The following C12orf56 variants were observed in gnomAD, a reference collection of about 807,000 sequenced individuals.
C12orf56 encodes chromosome 12 open reading frame 56.
In C12orf56, 71 loss-of-function variants were observed where a neutral mutation model predicts 69.9. That is an observed-to-expected ratio of 1.02 (90% CI 0.84 to 1.24). C12orf56 has a LOEUF of 1.24. Ranked by LOEUF, C12orf56 falls within the 50% of genes most tolerant of loss-of-function variation. The pLI, the probability that C12orf56 is intolerant of heterozygous loss-of-function variation, is 0.00. For synonymous variants in C12orf56, 276 were observed against 274.1 expected (o/e 1.01, Z -0.07); for missense variants, 732 against 738.5 (o/e 0.99, Z 0.10).
At chr12:64,380,124 A>AAAAAC (rs2039698060) in intron 1 of C12orf56, among the ~76,000 whole-genome samples, 1 of 90,232 alleles carries the variant, frequency 1.1e-5, no homozygotes, top group African/African-American at 3.9e-5. Flanking sequence ...AAAAAAAAAA[A>AAAAAC]AAAAAAAAAA....
intron 1 of C12orf56, among the ~76,000 whole-genome samples, chr12:64,372,607 A>C (rs1365501952): frequency 2.6e-5 from 4 of 152,182 alleles, no homozygotes; most frequent in African/African-American, 4.8e-5. Context: ...CACTGCCTCC[A>C]GGTTCAAGCG....
intron 1 of C12orf56, among the ~76,000 whole-genome samples, chr12:64,368,449 A>G (rs1319788281): frequency 1.3e-5 from 2 of 152,122 alleles, no homozygotes; most frequent in Admixed American, 1.3e-4. Context: ...AAGGCCTGAC[A>G]TCAAAGAGAG....
intron 3 of C12orf56, among the ~76,000 whole-genome samples, chr12:64,330,669 CA>C (rs2136864566): frequency 6.6e-6 from 1 of 152,290 alleles, no homozygotes; most frequent in East Asian, 1.9e-4. Context: ...GTGCCCTACA[CA>C]GAACCAGAGC....
At chr12:64,314,937 CTTTTTTTTTTTTT>C (rs534106623) in intron 4 of C12orf56, among the ~76,000 whole-genome samples, 4 of 44,642 alleles carry the variant, frequency 9.0e-5, no homozygotes, top group African/African-American at 2.9e-4. Context: ...ATCCGGCCAG[CTTTTTTTTTTTTT>C]TTTTTTTTTT....
chr12:64,361,561 G>A (rs1334662555), intron 1 of C12orf56, among the ~76,000 whole-genome samples: 1 of 152,122 alleles, frequency 6.6e-6, no homozygotes, highest in Non-Finnish European at 1.5e-5. Context: ...CCAGTGCCAC[G>A]ACAGTTTACA....
chr12:64,270,524 AT>A lies in C12orf56; in HGVS notation c.1763+11del. 1 of 1,513,128 alleles carries A rather than the reference AT, an allele frequency of 6.6e-7. No individual in the cohort carries two copies. The highest frequency in any genetic ancestry group is 8.9e-7 in the Non-Finnish European group (1 of 1,129,220). The allele number at this position is 1,513,128 out of a possible 1,614,324, so 93.7% of individuals were successfully genotyped here. The stretch of plus-strand genomic sequence containing the variant: ...ATCTTACTGCAGATTAGATTCAGAC[AT>A]TTTTTCTTACCTGAATTCTTCTCTG... On this transcript the variant is annotated intron_variant, in intron 12 of 12. Coordinates refer to ENST00000543942, the MANE Select transcript of C12orf56 (RefSeq NM_001170633.2).
intron 1 of C12orf56, among the ~76,000 whole-genome samples, chr12:64,380,104 CAAAAAAAAAAAAAAAAA>C (rs60079906): frequency 2.0e-5 from 1 of 49,996 alleles, no homozygotes; most frequent in Admixed American, 3.4e-4. Context: ...GACTCCGTCG[CAAAAAAAAAAAAAAAAA>C]AAAAAAAAAA....
intron 3 of C12orf56, among the ~76,000 whole-genome samples, chr12:64,328,756 T>C (rs1335539388): frequency 1.4e-5 from 2 of 144,816 alleles, no homozygotes; most frequent in African/African-American, 5.1e-5. Context: ...CTTTAACTTA[T>C]GCAACTTAAG....
intron 1 of C12orf56, among the ~76,000 whole-genome samples, chr12:64,386,920 A>G (rs932115821): frequency 3.3e-5 from 5 of 149,900 alleles, no homozygotes; most frequent in East Asian, 2.0e-4. Context: ...CTCTACTAAA[A>G]CTACAAAAAT....
At chr12:64,294,331 G>T (rs1231500651) in intron 6 of C12orf56, among the ~76,000 whole-genome samples, 2 of 152,054 alleles carry the variant, frequency 1.3e-5, no homozygotes, top group Non-Finnish European at 2.9e-5. Context: ...TTCCATTTCT[G>T]AGTATATACC....
At chr12:64,300,583 T>C (rs759090719) in intron 6 of C12orf56, among the ~76,000 whole-genome samples, 2 of 152,114 alleles carry the variant, frequency 1.3e-5, no homozygotes, top group Non-Finnish European at 2.9e-5. Context: ...CCTTTCCCAG[T>C]CCTCTCCTAA....
At chr12:64,326,739 CA>C (rs35874771) in intron 3 of C12orf56, among the ~76,000 whole-genome samples, 44,074 of 145,804 alleles carry the variant, frequency 0.3, 6,747 homozygotes, top group Middle Eastern at 0.37. Context: ...GACTCTGTCT[CA>C]AAAAAAAAAA....
chr12:64,328,706 AATATAT>A (rs138783628), intron 3 of C12orf56, among the ~76,000 whole-genome samples: 25 of 15,110 alleles, frequency 1.7e-3, no homozygotes, highest in African/African-American at 4.5e-3. Flanking sequence ...AAAAAAAAAA[AATATAT>A]ATATATATAT....
chr12:64,304,499 C>T (rs76252364), intron 5 of C12orf56, among the ~76,000 whole-genome samples: 53 of 152,258 alleles, frequency 3.5e-4, no homozygotes, highest in African/African-American at 1.2e-3. Context: ...TTCCCTAATT[C>T]CACCAACAAA....
chr12:64,363,939 A>G (rs1356515383), intron 1 of C12orf56, among the ~76,000 whole-genome samples: 3 of 152,064 alleles, frequency 2.0e-5, no homozygotes, highest in East Asian at 1.9e-4. Flanking sequence ...AACTCCTTTG[A>G]GCAATAAATT....
chr12:64,271,722 T>C (rs1035082273), intron 11 of C12orf56, among the ~76,000 whole-genome samples: 3 of 152,212 alleles, frequency 2.0e-5, no homozygotes, highest in Non-Finnish European at 4.4e-5. Context: ...TAAACATATA[T>C]TGCCTGGCAA....
At chr12:64,339,207 A>G (rs950751788) in intron 2 of C12orf56, among the ~76,000 whole-genome samples, 5 of 152,278 alleles carry the variant, frequency 3.3e-5, no homozygotes. Context: ...GTGTATCCTT[A>G]TCTCCTGTTA....
intron 1 of C12orf56, among the ~76,000 whole-genome samples, chr12:64,378,789 G>A (rs188598763): frequency 1.3e-5 from 2 of 151,950 alleles, no homozygotes; most frequent in African/African-American, 4.8e-5. Flanking sequence ...GGTGGCTCAC[G>A]CCTGTAATCC....
rs1555188665 is a variant in C12orf56 at position 64,313,274 on chromosome 12, A to AGAAAGAAAGAAAGAAAGAAAGAAAGAAAG, written c.895-523_895-522insCTTTCTTTCTTTCTTTCTTTCTTTCTTTC. ...GAGACTCTGTCTCAAAAAAAAAAAA[A>AGAAAGAAAGAAAGAAAGAAAGAAAGAAAG]AAAGAAAGAAAGAAAGAAAGAAAGA... On this transcript the variant is annotated intron_variant, in intron 4 of 12. Coordinates refer to ENST00000543942, the MANE Select transcript of C12orf56 (RefSeq NM_001170633.2). Among the ~76,000 whole-genome samples, 34 of 81,398 alleles carry AGAAAGAAAGAAAGAAAGAAAGAAAGAAAG rather than the reference A, an allele frequency of 4.2e-4. No homozygotes were observed. In the South Asian group the frequency reaches 0.012, roughly 29 times the overall value. The allele number at this position is 81,398 out of a possible 152,430, so 53.4% of individuals were successfully genotyped here.
Sources: allele counts gnomAD v4.1 joint callset (sites outside exome capture counted in the v4.1 genomes callset), GRCh38; gene constraint gnomAD v4.1.1; transcripts MANE v1.5; gene names NCBI Gene and HGNC (gene_info 2026-07-23, HGNC 2026-07-21).